ABI1: variants seen among roughly 807,000 people sequenced by gnomAD.
The protein encoded by ABI1 is abl interactor 1, also known as Abelson interactor 1.
In ABI1, 14 loss-of-function variants were observed where a neutral mutation model predicts 54.6. The observed-to-expected ratio is 0.26, with a 90% CI of 0.17 to 0.40. The LOEUF (loss-of-function observed/expected upper bound fraction) is 0.40. Ranked by LOEUF, ABI1 falls within the 10% of genes least tolerant of loss-of-function variation. ABI1 has a pLI of 1.00. For missense variants in ABI1, 443 were observed against 598.3 expected (o/e 0.74, Z 2.71); for synonymous variants, 194 against 209.3 (o/e 0.93, Z 0.63).
intron 2 of ABI1, among the ~76,000 whole-genome samples, chr10:26,803,666 A>T (rs1393593607): frequency 6.6e-6 from 1 of 152,182 alleles, no homozygotes; most frequent in Non-Finnish European, 1.5e-5. Flanking sequence ...GAAATTTTAC[A>T]CTAGAGTGTA....
At chr10:26,766,018 T>TA (rs1839908582) in intron 6 of ABI1, among the ~76,000 whole-genome samples, 1 of 152,094 alleles carries the variant, frequency 6.6e-6, no homozygotes, top group Non-Finnish European at 1.5e-5. Context: ...CATGAAAAGG[T>TA]AATGTAATAG....
At chr10:26,833,017 C>CA (rs1589019590) in intron 1 of ABI1, among the ~76,000 whole-genome samples, 2 of 151,850 alleles carry the variant, frequency 1.3e-5, no homozygotes, top group South Asian at 2.1e-4. Context: ...AAGTATCCAG[C>CA]AAAAAAAATA....
chr10:26,770,707 C>T (rs11015277), intron 4 of ABI1, among the ~76,000 whole-genome samples: 10,331 of 152,178 alleles, frequency 0.068, 390 homozygotes, highest in East Asian at 0.14. Context: ...TGTCAATTTG[C>T]TCAAATACGC....
intron 2 of ABI1, 46 bp from the exon 3 acceptor site, chr10:26,777,287 T>C (rs367856868): frequency 1.7e-4 from 253 of 1,480,744 alleles, no homozygotes; most frequent in Non-Finnish European, 2.2e-4. Context: ...TTTGACATAA[T>C]ATGTTTGCTA....
At chr10:26,784,593 AAC>A (rs1249716673) in intron 2 of ABI1, among the ~76,000 whole-genome samples, 1 of 152,158 alleles carries the variant, frequency 6.6e-6, no homozygotes, top group Non-Finnish European at 1.5e-5. Flanking sequence ...CAATATAAAC[AAC>A]ACATTCTTTA....
intron 2 of ABI1, among the ~76,000 whole-genome samples, chr10:26,784,452 GA>G (rs1445279342): frequency 6.6e-6 from 1 of 151,528 alleles, no homozygotes; most frequent in Non-Finnish European, 1.5e-5. Flanking sequence ...ACTGTACTTG[GA>G]ACCCTAAGGC....
At chr10:26,848,399 A>AT (rs2134186047) in intron 1 of ABI1, among the ~76,000 whole-genome samples, 1 of 130,002 alleles carries the variant, frequency 7.7e-6, no homozygotes, top group East Asian at 2.8e-4. Context: ...AAATCATTTA[A>AT]TTTTAAAACC....
chr10:26,786,340 G>A (rs1057384873), intron 2 of ABI1, among the ~76,000 whole-genome samples: 1 of 151,550 alleles, frequency 6.6e-6, no homozygotes, highest in Non-Finnish European at 1.5e-5. Context: ...CATGACTCCC[G>A]AGTAGCTGGG....
rs1006472518 is a variant in ABI1 at position 26,764,969 on chromosome 10, G to A, written c.820+249C>T. ...ATGAATATATTTCTAAAGCAAAATG[G>A]CCAACAAAAAGTTATTTAACAAAAC... On this transcript the variant is annotated intron_variant, in intron 7 of 10. Transcript: ENST00000376140. Among the ~76,000 whole-genome samples the A allele has an allele frequency of 3.3e-5, 5 of 152,054 alleles. No homozygotes were observed. The East Asian group carries it at 9.6e-4, about 29-fold the overall frequency.
chr10:26,755,156 C>CAA (rs1838141643), intron 9 of ABI1, among the ~76,000 whole-genome samples: 1 of 152,122 alleles, frequency 6.6e-6, no homozygotes, highest in Non-Finnish European at 1.5e-5. Flanking sequence ...TGAACCTTTA[C>CAA]GTAGGTTCAA....
Position 26,748,617 on chromosome 10 carries a change from G to A in ABI1, c.1399C>T (p.Leu467=). ...YEGVCNRVTG[L]FPGNYVESIM... ...GATTCAACATAGTTCCCAGGGAACA[G>A]ACCAGTCACTCGATTGCAGACTCCT... Residue 467 remains leucine, a synonymous_variant, in exon 11 of 11, where the codon CTG becomes TTG. Coordinates refer to ENST00000376140, the MANE Select transcript of ABI1 (RefSeq NM_001012750.3). The A allele has an allele frequency of 6.2e-7, 1 of 1,613,248 alleles. No homozygotes were observed.
At chr10:26,764,931 T>C (rs1296867104) in intron 7 of ABI1, among the ~76,000 whole-genome samples, 1 of 152,094 alleles carries the variant, frequency 6.6e-6, no homozygotes, top group Non-Finnish European at 1.5e-5. Context: ...CAATCCCCCA[T>C]GGACACTGAG....
intron 8 of ABI1, among the ~76,000 whole-genome samples, chr10:26,757,439 T>C: frequency 6.6e-6 from 1 of 151,876 alleles, no homozygotes; most frequent in East Asian, 1.9e-4. Flanking sequence ...ATTTGCAGAG[T>C]AAATTAAATG....
chr10:26,794,573 C>T (rs2133251828), intron 2 of ABI1, among the ~76,000 whole-genome samples: 1 of 151,026 alleles, frequency 6.6e-6, no homozygotes, highest in African/African-American at 2.4e-5. Flanking sequence ...CCTATGCCCT[C>T]AGTTTCCTTA....
chr10:26,794,989 C>T (rs1843954682), intron 2 of ABI1, among the ~76,000 whole-genome samples: 1 of 151,372 alleles, frequency 6.6e-6, no homozygotes, highest in South Asian at 2.1e-4. Flanking sequence ...ACTAAAAATA[C>T]AAAACTTAGC....
intron 2 of ABI1, among the ~76,000 whole-genome samples, chr10:26,788,159 G>A (rs930788179): frequency 7.9e-5 from 12 of 152,086 alleles, no homozygotes; most frequent in African/African-American, 2.9e-4. Context: ...GTTTAATCAG[G>A]GGTTTCCACT....
chr10:26,852,094 G>C (rs2050440003), intron 1 of ABI1, among the ~76,000 whole-genome samples: 1 of 151,926 alleles, frequency 6.6e-6, no homozygotes, highest in Non-Finnish European at 1.5e-5. Context: ...AGAATTACGA[G>C]GACAGCTGGG....
chr10:26,804,378 A>AT (rs201064130), intron 2 of ABI1, among the ~76,000 whole-genome samples: 14 of 150,136 alleles, frequency 9.3e-5, no homozygotes, highest in African/African-American at 1.7e-4. Flanking sequence ...GCAAGGCTCT[A>AT]TTTAAAAAAA....
intron 1 of ABI1, among the ~76,000 whole-genome samples, chr10:26,829,197 A>G (rs1230504076): frequency 3.3e-5 from 5 of 151,636 alleles, no homozygotes; most frequent in East Asian, 1.9e-4. Context: ...CTGCACTCCA[A>G]CCTAGGTGAC....
Sources: allele counts gnomAD v4.1 joint callset (sites outside exome capture counted in the v4.1 genomes callset), GRCh38; gene constraint gnomAD v4.1.1; transcripts MANE v1.5; gene names NCBI Gene and HGNC (gene_info 2026-07-23, HGNC 2026-07-21).